Variants in CPNE4 observed in about 807,000 individuals in gnomAD.
CPNE4 encodes copine-4.
In CPNE4, 25 loss-of-function variants were observed where a neutral mutation model predicts 67.9. That is an observed-to-expected ratio of 0.37 (90% CI 0.27 to 0.51). The LOEUF is 0.51. Ranked by LOEUF, CPNE4 falls within the 20% of genes least tolerant of loss-of-function variation. CPNE4 has a pLI of 0.93. For synonymous variants in CPNE4, 242 were observed against 244.9 expected, an observed-to-expected ratio of 0.99 and a Z score of 0.11; for missense variants, 464 against 690.8, an observed-to-expected ratio of 0.67 and a Z score of 3.68.
chr3:131,536,073 A>C (rs1935128039), intron 15 of CPNE4, among the ~76,000 whole-genome samples: 1 of 152,106 alleles, frequency 6.6e-6, no homozygotes, highest in Admixed American at 6.5e-5. Flanking sequence ...GATGGAGCTG[A>C]AGGAAGTGTG....
intron 7 of CPNE4, among the ~76,000 whole-genome samples, chr3:131,617,523 C>T (rs2369129): frequency 0.012 from 1,844 of 152,236 alleles, 44 homozygotes; most frequent in African/African-American, 0.041. Context: ...CTAATACAGA[C>T]GCCTTTTCAA....
Position 131,579,746 on chromosome 3 carries a change from G to C in CPNE4, c.867+1833C>G, listed in dbSNP as rs542035164. Among the ~76,000 whole-genome samples, 20 of 152,318 alleles carry C rather than the reference G, an allele frequency of 1.3e-4. No homozygotes were observed. In the South Asian group the frequency reaches 3.9e-3, roughly 30 times the overall value. ...AGCAAGGGAACCGGAATTATAAGTG[G>C]AGCCTGAAGATGTGGCTGAATTGCC... is the stretch of plus-strand genomic sequence containing the variant. On this transcript the variant is annotated intron_variant, in intron 9 of 15. Coordinates refer to ENST00000429747, the MANE Select transcript of CPNE4 (RefSeq NM_130808.3).
chr3:131,968,598 G>GA (rs2072420845), intron 1 of CPNE4, among the ~76,000 whole-genome samples: 2 of 152,020 alleles, frequency 1.3e-5, no homozygotes, highest in South Asian at 2.1e-4. Flanking sequence ...ACAAACATTT[G>GA]AAAAAAAGCT....
intron 15 of CPNE4, chr3:131,537,580 G>GC (rs1259516992): frequency 3.6e-6 from 1 of 274,480 alleles, no homozygotes; most frequent in East Asian, 1.3e-4. Context: ...ACCGCACCCA[G>GC]CCCTGAAGAC....
chr3:131,952,275 A>C (rs988881835), intron 1 of CPNE4, among the ~76,000 whole-genome samples: 4 of 149,786 alleles, frequency 2.7e-5, no homozygotes, highest in African/African-American at 9.9e-5. Context: ...GGAGGTGAAG[A>C]GCGTCTCTGC....
intron 7 of CPNE4, among the ~76,000 whole-genome samples, chr3:131,644,379 C>T (rs2107799586): frequency 6.6e-6 from 1 of 152,182 alleles, no homozygotes; most frequent in Non-Finnish European, 1.5e-5. Flanking sequence ...GATCACCTGA[C>T]CTCATGATCT....
At chr3:131,724,934 T>G (rs1165212128) in intron 2 of CPNE4, among the ~76,000 whole-genome samples, 5 of 152,212 alleles carry the variant, frequency 3.3e-5, no homozygotes, top group African/African-American at 1.2e-4. Flanking sequence ...TTTGGGAAGC[T>G]TTTAAAGACT....
intron 1 of CPNE4, among the ~76,000 whole-genome samples, chr3:132,017,103 A>G (rs2073904289): frequency 6.6e-6 from 1 of 152,232 alleles, no homozygotes; most frequent in African/African-American, 2.4e-5. Context: ...CAGAAGGTAG[A>G]CCTGTTGTGA....
chr3:131,722,747 T>C (rs1356787532), intron 3 of CPNE4, among the ~76,000 whole-genome samples: 1 of 152,218 alleles, frequency 6.6e-6, no homozygotes, highest in African/African-American at 2.4e-5. Flanking sequence ...TTGACTCACT[T>C]ACTGCATTTC....
intron 1 of CPNE4, among the ~76,000 whole-genome samples, chr3:131,949,481 T>C (rs1316279004): frequency 3.3e-5 from 5 of 151,970 alleles, no homozygotes; most frequent in African/African-American, 9.7e-5. Context: ...GTTTTAGGAG[T>C]ACCAAAATGC....
intron 1 of CPNE4, among the ~76,000 whole-genome samples, chr3:131,999,240 G>GAAAAAAAAAA (rs2073366807): frequency 9.7e-5 from 1 of 10,358 alleles, no homozygotes; most frequent in African/African-American, 4.8e-4. Context: ...TTTATCCAAG[G>GAAAAAAAAAA]TAAAAAAAAA....
chr3:131,568,605 C>G (rs1351896386), intron 10 of CPNE4, among the ~76,000 whole-genome samples: 1 of 151,914 alleles, frequency 6.6e-6, no homozygotes. Flanking sequence ...TTCCTTCTGC[C>G]CAGGAAGCCA....
chr3:131,590,392 G>T (rs935461114), intron 7 of CPNE4, among the ~76,000 whole-genome samples: 38 of 152,100 alleles, frequency 2.5e-4, no homozygotes, highest in African/African-American at 7.7e-4. Flanking sequence ...TGGCTGTTCT[G>T]CCAACCTGAG....
chr3:131,943,074 C>T (rs575004503), intron 1 of CPNE4, among the ~76,000 whole-genome samples: 6 of 152,096 alleles, frequency 3.9e-5, no homozygotes, highest in African/African-American at 1.4e-4. Context: ...TTGGAATTTA[C>T]AAAAGTAATA....
intron 2 of CPNE4, among the ~76,000 whole-genome samples, chr3:131,827,397 T>C (rs1287131212): frequency 6.6e-6 from 1 of 151,104 alleles, no homozygotes; most frequent in Non-Finnish European, 1.5e-5. Flanking sequence ...TGGCTACTCA[T>C]GGGCAGCCAG....
intron 2 of CPNE4, among the ~76,000 whole-genome samples, chr3:131,838,982 G>A (rs2108013512): frequency 6.6e-6 from 1 of 151,840 alleles, no homozygotes; most frequent in South Asian, 2.1e-4. Context: ...TTAAAATAAA[G>A]CAATTTTGAT....
At chr3:131,603,715 T>A (rs1939338068) in intron 7 of CPNE4, among the ~76,000 whole-genome samples, 1 of 152,138 alleles carries the variant, frequency 6.6e-6, no homozygotes, top group Non-Finnish European at 1.5e-5. Context: ...ACATCTCACA[T>A]TGGAGAGACA....
chr3:131,865,281 G>T (rs2086889592), intron 2 of CPNE4, among the ~76,000 whole-genome samples: 1 of 152,140 alleles, frequency 6.6e-6, no homozygotes, highest in Non-Finnish European at 1.5e-5. Context: ...AGAAGGAATG[G>T]TACCAGCTCC....
At chr3:131,723,415 A>G (rs772311102) in intron 3 of CPNE4, 31 bp downstream of exon 3, 1 of 1,601,192 alleles carries the variant, frequency 6.2e-7, no homozygotes, top group African/African-American at 1.3e-5. Flanking sequence ...CTAGGATGGC[A>G]AGGAGGAGGA....
Sources: allele counts gnomAD v4.1 joint callset (sites outside exome capture counted in the v4.1 genomes callset), GRCh38; gene constraint gnomAD v4.1.1; transcripts MANE v1.5; gene names NCBI Gene and HGNC (gene_info 2026-07-23, HGNC 2026-07-21).